The following ANO3 variants were observed in gnomAD, a reference collection of about 807,000 sequenced individuals.
ANO3 encodes the protein anoctamin 3.
ANO3 carries 99 observed loss-of-function variants against 144.8 expected under a neutral mutation model. The observed-to-expected ratio is 0.68, with a 90% confidence interval of 0.58 to 0.81. The LOEUF (loss-of-function observed/expected upper bound fraction) is 0.81. Among genes scored for constraint, ANO3 ranks in the 30% least tolerant of loss-of-function variants. The pLI, the probability that ANO3 is intolerant of heterozygous loss-of-function variation, is 0.00. For synonymous variants in ANO3, 414 were observed against 392.6 expected (o/e 1.05, Z -0.64); for missense variants, 905 against 1,202.2 (o/e 0.75, Z 3.66).
At chr11:26,612,931 C>G (rs888541636) in intron 17 of ANO3, among the ~76,000 whole-genome samples, 3 of 152,022 alleles carry the variant, frequency 2.0e-5, no homozygotes, top group Admixed American at 6.5e-5. Context: ...GGAATCTTCT[C>G]TTTGACTTTT....
intron 1 of ANO3, chr11:26,208,459 G>A (rs1472061942): frequency 1.3e-5 from 2 of 150,266 alleles, no homozygotes; most frequent in African/African-American, 2.5e-5. Context: ...CTTGCAGTGA[G>A]CCAAGATCAC....
chr11:26,440,043 T>C (rs1858456762), intron 1 of ANO3, among the ~76,000 whole-genome samples: 1 of 152,102 alleles, frequency 6.6e-6, no homozygotes, highest in Non-Finnish European at 1.5e-5. Context: ...TTGCCTCATG[T>C]GGTGTGAAGT....
rs865788164 is a variant in ANO3 at position 26,612,252 on chromosome 11, T to A, written c.1837-12210T>A. The stretch of plus-strand genomic sequence containing the variant: ...GTGGTGCTATGCTTTGTTTTCTTAC[T>A]CTTGGCATTTGTGTGACTGCTGTAA... On this transcript the variant is annotated intron_variant, in intron 17 of 26. Coordinates refer to ENST00000256737, the MANE Select transcript of ANO3 (RefSeq NM_031418.4). Among the ~76,000 whole-genome samples, 28 of 152,184 alleles carry A rather than the reference T, an allele frequency of 1.8e-4. 1 individual carries two copies. Among genetic ancestry groups the A allele is most frequent in the Middle Eastern group, 3.4e-3 (1 of 294 alleles).
At chr11:26,603,492 A>G in intron 17 of ANO3, among the ~76,000 whole-genome samples, 1 of 152,184 alleles carries the variant, frequency 6.6e-6, no homozygotes, top group Middle Eastern at 3.5e-3. Context: ...TTAGAGTAGT[A>G]GATATTAAAA....
At chr11:26,619,766 C>T (rs11029647) in intron 17 of ANO3, among the ~76,000 whole-genome samples, 43,997 of 152,036 alleles carry the variant, frequency 0.29, 6,725 homozygotes, top group South Asian at 0.46. Flanking sequence ...TGCGCCCGGC[C>T]AAAAAACTAC....
At chr11:26,309,003 G>T (rs1294376834), upstream of ANO3, among the ~76,000 whole-genome samples, 1 of 152,154 alleles carries the variant, frequency 6.6e-6, no homozygotes, top group African/African-American at 2.4e-5. Flanking sequence ...TTAGAGTGAT[G>T]GGAATGTAGT....
At chr11:26,289,521 T>C (rs958312390) in intron 1 of ANO3, among the ~76,000 whole-genome samples, 10 of 145,060 alleles carry the variant, frequency 6.9e-5, no homozygotes, top group African/African-American at 2.5e-4. Context: ...TATGTACATA[T>C]ATACATATAT....
intron 1 of ANO3, among the ~76,000 whole-genome samples, chr11:26,322,419 C>T (rs1854781609): frequency 6.6e-6 from 1 of 152,008 alleles, no homozygotes; most frequent in Admixed American, 6.6e-5. Context: ...TTATTATCAC[C>T]TCATCTCTTT....
At chr11:26,632,158 A>G (rs1852803135) in intron 18 of ANO3, among the ~76,000 whole-genome samples, 1 of 150,370 alleles carries the variant, frequency 6.7e-6, no homozygotes, top group South Asian at 2.1e-4. Context: ...CCATGCTACA[A>G]TCCAGCCTGG....
chr11:26,561,997 CT>C (rs1204957975), intron 14 of ANO3, among the ~76,000 whole-genome samples: 4 of 151,786 alleles, frequency 2.6e-5, no homozygotes, highest in African/African-American at 9.7e-5. Flanking sequence ...AACCTTAGGT[CT>C]TTGGGAGAGG....
intron 1 of ANO3, among the ~76,000 whole-genome samples, chr11:26,284,097 A>C (rs1853746385): frequency 6.6e-6 from 1 of 152,096 alleles, no homozygotes; most frequent in African/African-American, 2.4e-5. Context: ...GCCTTGGAGG[A>C]CAGGGCCAGA....
intron 12 of ANO3, 75 bp downstream of exon 12, chr11:26,547,625 C>A: frequency 7.4e-7 from 1 of 1,358,244 alleles, no homozygotes; most frequent in Non-Finnish European, 1.0e-6. Context: ...ATAATGCTGA[C>A]TATAAAAAAT....
intron 4 of ANO3, among the ~76,000 whole-genome samples, chr11:26,478,772 A>T (rs1418761760): frequency 1.3e-5 from 2 of 152,172 alleles, no homozygotes; most frequent in Non-Finnish European, 2.9e-5. Context: ...ACAACCAGGC[A>T]ACTAGCTGAT....
At chr11:26,569,016 A>G (rs895522330) in intron 14 of ANO3, among the ~76,000 whole-genome samples, 1 of 152,044 alleles carries the variant, frequency 6.6e-6, no homozygotes, top group African/African-American at 2.4e-5. Context: ...GTGGGGGGAA[A>G]AATGTCCTTA....
intron 15 of ANO3, 48 bp downstream of exon 15, chr11:26,598,495 A>C (rs1158230254): frequency 7.5e-7 from 1 of 1,327,934 alleles, no homozygotes. Flanking sequence ...CTATTACAGG[A>C]TATGGAAAAT....
intron 4 of ANO3, among the ~76,000 whole-genome samples, chr11:26,499,778 G>GT (rs538965729): frequency 2.0e-5 from 3 of 151,752 alleles, no homozygotes; most frequent in Non-Finnish European, 4.4e-5. Context: ...AAATGCATTT[G>GT]TAATTACGTT....
intron 4 of ANO3, among the ~76,000 whole-genome samples, chr11:26,487,564 A>G (rs1447828162): frequency 6.6e-6 from 1 of 152,134 alleles, no homozygotes; most frequent in Non-Finnish European, 1.5e-5. Context: ...GAGGGCTCAT[A>G]AGAGGACAGG....
intron 1 of ANO3, among the ~76,000 whole-genome samples, chr11:26,388,410 A>T (rs1177766598): frequency 6.6e-6 from 1 of 152,148 alleles, no homozygotes; most frequent in Non-Finnish European, 1.5e-5. Context: ...GATTAGCTCC[A>T]CACAAAATAG....
chr11:26,330,292 C>T (rs1011465728), upstream of ANO3, among the ~76,000 whole-genome samples: 1 of 152,068 alleles, frequency 6.6e-6, no homozygotes, highest in African/African-American at 2.4e-5. Context: ...AAAACATCCT[C>T]GAGCAAGTCA....
Sources: allele counts gnomAD v4.1 joint callset (sites outside exome capture counted in the v4.1 genomes callset), GRCh38; gene constraint gnomAD v4.1.1; transcripts MANE v1.5; gene names NCBI Gene and HGNC (gene_info 2026-07-23, HGNC 2026-07-21).